VOPP1: variants seen among roughly 807,000 people sequenced by gnomAD.
VOPP1 encodes WW domain binding protein VOPP1.
In VOPP1, 8 loss-of-function variants were observed where a neutral mutation model predicts 23.5. That is an observed-to-expected ratio of 0.34 (90% CI 0.20 to 0.61). The LOEUF (loss-of-function observed/expected upper bound fraction) is 0.61. VOPP1 is among the 20% of genes least tolerant of loss of function. The pLI is 0.78. For synonymous variants in VOPP1, 83 were observed against 97.3 expected (o/e 0.85, Z 0.86); for missense variants, 174 against 238.1 (o/e 0.73, Z 1.77).
chr7:55,437,238 C>T lies in VOPP1; in HGVS notation n.418-1064G>A, dbSNP rs79473685. Among the ~76,000 whole-genome samples the T allele has an allele frequency of 3.9e-3, 596 of 152,254 alleles. 7 individuals carry two copies. Among genetic ancestry groups the T allele is most frequent in the African/African-American group, 0.013 (540 of 41,538 alleles). ...GGCAAGCCAGAGGTGGCCTGGCTCCCGAGGAGTCCCCACGGAGGCCGCCTC... is the reference window on the plus strand; with the variant it reads ...GGCAAGCCAGAGGTGGCCTGGCTCCTGAGGAGTCCCCACGGAGGCCGCCTC... On this transcript the variant is annotated intron_variant and non_coding_transcript_variant, in intron 4 of 4. Coordinates refer to the VOPP1 transcript ENST00000462326.
At chr7:55,569,424 CCCTCGCG>C (rs1279841458) in intron 1 of VOPP1, among the ~76,000 whole-genome samples, 1 of 152,178 alleles carries the variant, frequency 6.6e-6, no homozygotes, top group Non-Finnish European at 1.5e-5. Context: ...GCCACCACTG[CCCTCGCG>C]ATGTAGAGCA....
chr7:55,566,423 G>C (rs983305559), intron 1 of VOPP1, among the ~76,000 whole-genome samples: 3 of 152,094 alleles, frequency 2.0e-5, no homozygotes, highest in Non-Finnish European at 4.4e-5. Context: ...TAGCTGGGCT[G>C]TGGTAGCGTG....
At chr7:55,549,407 C>G (rs190568388) in intron 1 of VOPP1, among the ~76,000 whole-genome samples, 2 of 151,064 alleles carry the variant, frequency 1.3e-5, no homozygotes, top group Admixed American at 1.3e-4. Context: ...CTCCTAAGAC[C>G]CCCAAATCCG....
chr7:55,507,588 C>G (rs1470233101), intron 2 of VOPP1, among the ~76,000 whole-genome samples: 2 of 152,114 alleles, frequency 1.3e-5, no homozygotes, highest in East Asian at 1.9e-4. Context: ...TTTAATAGAA[C>G]TTTCATCTTT....
At chr7:55,511,294 G>A (rs76627042) in intron 2 of VOPP1, among the ~76,000 whole-genome samples, 1,670 of 152,222 alleles carry the variant, frequency 0.011, 11 homozygotes, top group Middle Eastern at 0.02. Context: ...GCAGTCGGAC[G>A]GTATTTAGTA....
chr7:55,551,631 G>T (rs1330710341), intron 1 of VOPP1, among the ~76,000 whole-genome samples: 1 of 152,188 alleles, frequency 6.6e-6, no homozygotes, highest in African/African-American at 2.4e-5. Context: ...ACTCCAAGTG[G>T]GGAAGGGTTC....
At chr7:55,535,665 G>A (rs1796742804) in intron 1 of VOPP1, among the ~76,000 whole-genome samples, 1 of 152,230 alleles carries the variant, frequency 6.6e-6, no homozygotes, top group African/African-American at 2.4e-5. Flanking sequence ...ACTTCCAGAA[G>A]GTGAGTTGTT....
intron 4 of VOPP1, among the ~76,000 whole-genome samples, chr7:55,482,699 G>C (rs77185984): frequency 0.011 from 1,746 of 152,098 alleles, 12 homozygotes; most frequent in Middle Eastern, 0.02. Context: ...AGGCCGACCT[G>C]TTAGGGTTTA....
intron 1 of VOPP1, among the ~76,000 whole-genome samples, chr7:55,535,166 G>A (rs762871825): frequency 2.6e-5 from 4 of 152,226 alleles, no homozygotes; most frequent in Non-Finnish European, 5.9e-5. Flanking sequence ...GCTACGCAGG[G>A]CTCTGTCATA....
At chr7:55,461,402 A>T (rs1029668596) in intron 4 of VOPP1, among the ~76,000 whole-genome samples, 12 of 152,046 alleles carry the variant, frequency 7.9e-5, no homozygotes, top group Non-Finnish European at 1.5e-4. Flanking sequence ...AAAAAAATGG[A>T]TTCAGCTAGT....
Position 55,521,062 on chromosome 7 carries a change from A to C in VOPP1, c.113+10T>G. The C allele has an allele frequency of 1.3e-6, 2 of 1,569,428 alleles. No individual in the cohort carries two copies. The highest frequency in any genetic ancestry group is 3.3e-4 in the Middle Eastern group (2 of 6,012). On this transcript the variant is annotated intron_variant, in intron 2 of 4. Transcript: ENST00000285279. ...ACAGAATGAAACCACAGAAAGGTGC[A>C]AATACTTACATATAATAGGTTGGAT...
chr7:55,477,526 C>A (rs1792356870), intron 4 of VOPP1, among the ~76,000 whole-genome samples: 1 of 152,194 alleles, frequency 6.6e-6, no homozygotes, highest in South Asian at 2.1e-4. Context: ...GATCCCAACC[C>A]CCTGCTGCAG....
intron 1 of VOPP1, among the ~76,000 whole-genome samples, chr7:55,562,773 C>T (rs1023165425): frequency 2.6e-5 from 4 of 152,134 alleles, no homozygotes; most frequent in Non-Finnish European, 2.9e-5. Flanking sequence ...ACACAGAGGG[C>T]AAGGTGGAGG....
chr7:55,550,519 G>A (rs187774218), intron 1 of VOPP1, among the ~76,000 whole-genome samples: 15 of 152,256 alleles, frequency 9.9e-5, no homozygotes, highest in Admixed American at 4.6e-4. Context: ...AGTAAGCTCC[G>A]GTCTAGGCAT....
intron 4 of VOPP1, among the ~76,000 whole-genome samples, chr7:55,436,637 T>TGCGC (rs1279506568): frequency 7.4e-6 from 1 of 136,020 alleles, no homozygotes; most frequent in Non-Finnish European, 1.7e-5. Flanking sequence ...TGTGCGTGTG[T>TGCGC]GTGCGTGCGT....
chr7:55,567,839 G>A (rs959832579), intron 1 of VOPP1, among the ~76,000 whole-genome samples: 3 of 152,134 alleles, frequency 2.0e-5, no homozygotes, highest in Non-Finnish European at 4.4e-5. Context: ...AAGAGTGGGT[G>A]GGCTGAAAGG....
intron 4 of VOPP1, among the ~76,000 whole-genome samples, chr7:55,489,085 A>C (rs1793366058): frequency 6.6e-6 from 1 of 152,200 alleles, no homozygotes; most frequent in Non-Finnish European, 1.5e-5. Flanking sequence ...AGCAGACAGG[A>C]CCCTGCAGAC....
chr7:55,539,901 A>G (rs1435777448), intron 1 of VOPP1, among the ~76,000 whole-genome samples: 1 of 62,876 alleles, frequency 1.6e-5, no homozygotes, highest in Non-Finnish European at 3.1e-5. Flanking sequence ...TAAGCGCTGC[A>G]CACACACACA....
At chr7:55,546,260 T>G (rs144176978) in intron 1 of VOPP1, among the ~76,000 whole-genome samples, 160 of 152,300 alleles carry the variant, frequency 1.1e-3, no homozygotes, top group African/African-American at 3.6e-3. Flanking sequence ...GAGGGAGATG[T>G]AGACAGGATC....
Sources: gnomAD v4.1 joint callset for allele counts (sites outside exome capture counted in the v4.1 genomes callset) on GRCh38, gnomAD v4.1.1 for gene constraint, MANE v1.5 for transcripts, NCBI Gene and HGNC (gene_info 2026-07-23, HGNC 2026-07-21) for gene names.